Variants in EDAR observed in about 807,000 individuals in gnomAD.
EDAR encodes the protein ectodysplasin A receptor, also known as tumor necrosis factor receptor superfamily member EDAR.
A neutral mutation model predicts 51.3 loss-of-function variants in EDAR; 38 were observed. The ratio of observed to expected loss-of-function variants is 0.74; its 90% confidence interval spans 0.57 to 0.97. The LOEUF (loss-of-function observed/expected upper bound fraction) is 0.97. Among genes scored for constraint, EDAR ranks in the 50% least tolerant of loss-of-function variants. EDAR has a pLI of 0.00. For synonymous variants in EDAR, 227 were observed against 242.1 expected (o/e 0.94, Z 0.58); for missense variants, 528 against 595.0 (o/e 0.89, Z 1.17).
chr2:108,969,915 T>C (rs11123719), intron 1 of EDAR, among the ~76,000 whole-genome samples: 29,550 of 152,136 alleles, frequency 0.19, 4,476 homozygotes, highest in East Asian at 0.84. Flanking sequence ...GAATCCAGAG[T>C]TCAATCTGGG....
chr2:108,936,811 C>G (rs904528819), intron 1 of EDAR, among the ~76,000 whole-genome samples: 2 of 152,184 alleles, frequency 1.3e-5, no homozygotes, highest in Non-Finnish European at 2.9e-5. Flanking sequence ...CTGCTTTAGT[C>G]GGATCTGTTT....
At chr2:108,932,371 A>G (rs1697381885) in intron 1 of EDAR, among the ~76,000 whole-genome samples, 2 of 151,794 alleles carry the variant, frequency 1.3e-5, no homozygotes, top group African/African-American at 2.4e-5. Flanking sequence ...TACTAAAAAT[A>G]CAAAAAAATT....
Position 108,897,052 on chromosome 2 carries a change from A to G in EDAR, c.1202T>C (p.Ile401Thr). 6.2e-7 allele frequency: 1 copy of G among 1,614,162 alleles called. No homozygotes were observed. Among genetic ancestry groups the G allele is most frequent in the Non-Finnish European group, 8.5e-7 (1 of 1,180,022 alleles). The change falls in exon 12 of 12, where the codon ATC (isoleucine) becomes ACC (threonine). Residue 401 changes from isoleucine to threonine, a missense_variant. Coordinates refer to ENST00000258443, the MANE Select transcript of EDAR (RefSeq NM_022336.4). The stretch of plus-strand genomic sequence containing the variant: ...AGGGATGCTGTAGCCTGCCGTGCTG[A>G]TGCGGTCAAAGAGTTGCATGCCGTC... ...MTDGMQLFDR[I>T]STAGYSIPEL...
At chr2:108,918,151 T>C (rs1017292706) in intron 5 of EDAR, among the ~76,000 whole-genome samples, 4 of 152,198 alleles carry the variant, frequency 2.6e-5, no homozygotes, top group Non-Finnish European at 5.9e-5. Context: ...CTCCTTCCAC[T>C]GTCACCAGCT....
At position 108,983,743 on chromosome 2, in the gene EDAR, T is replaced by C. The variant is rs551419098; in HGVS notation, c.-19+5217A>G. Among the ~76,000 whole-genome samples, 3 of 152,302 alleles carry C rather than the reference T, an allele frequency of 2.0e-5. No individual in the cohort carries two copies. The East Asian group carries it at 5.8e-4, about 29-fold the overall frequency. On this transcript the variant is annotated intron_variant, in intron 1 of 11. Coordinates refer to ENST00000258443, the MANE Select transcript of EDAR (RefSeq NM_022336.4). Reference sequence around the variant, plus strand: ...GCGGGACGGGGCAGGGAAGCCACCTTCTCTCCAACTCCAAAGGCCATATGG... The same window carrying C: ...GCGGGACGGGGCAGGGAAGCCACCTCCTCTCCAACTCCAAAGGCCATATGG...
At chr2:108,943,690 C>T (rs546478005) in intron 1 of EDAR, among the ~76,000 whole-genome samples, 3 of 152,298 alleles carry the variant, frequency 2.0e-5, no homozygotes, top group South Asian at 2.1e-4. Flanking sequence ...CAGCAGCCAT[C>T]CTTTCTTGGC....
chr2:108,910,411 G>A, intron 9 of EDAR, 49 bp downstream of exon 9: 1 of 1,490,590 alleles, frequency 6.7e-7, no homozygotes, highest in Non-Finnish European at 9.3e-7. Context: ...TCCCTGCTCA[G>A]GATCCACAGG....
At chr2:108,908,343 G>A (rs1051347064) in intron 9 of EDAR, among the ~76,000 whole-genome samples, 5 of 152,202 alleles carry the variant, frequency 3.3e-5, no homozygotes, top group East Asian at 1.9e-4. Flanking sequence ...TGGATGCTCC[G>A]TGAAGGTTCA....
intron 1 of EDAR, among the ~76,000 whole-genome samples, chr2:108,964,548 A>G (rs558199991): frequency 3.3e-5 from 5 of 152,154 alleles, no homozygotes; most frequent in African/African-American, 1.2e-4. Flanking sequence ...GCCCAACCAA[A>G]CCACAGTCAC....
intron 1 of EDAR, among the ~76,000 whole-genome samples, chr2:108,961,497 G>T (rs1698041683): frequency 6.6e-6 from 1 of 152,232 alleles, no homozygotes. Flanking sequence ...TCTTCAGAGG[G>T]AGGTAGAGCT....
At chr2:108,981,238 G>A (rs967894899) in intron 1 of EDAR, among the ~76,000 whole-genome samples, 4 of 152,200 alleles carry the variant, frequency 2.6e-5, no homozygotes, top group Non-Finnish European at 4.4e-5. Flanking sequence ...CTCTGGGCCT[G>A]TGTCCACCTG....
intron 1 of EDAR, among the ~76,000 whole-genome samples, chr2:108,964,325 T>G (rs894507760): frequency 6.6e-6 from 1 of 152,152 alleles, no homozygotes; most frequent in Admixed American, 6.5e-5. Context: ...CCAGGTCATC[T>G]GGACTCCAGT....
Position 108,895,130 on chromosome 2 carries a change from G to A in EDAR, c.*1777C>T, listed in dbSNP as rs1336247245. ...TTAGCTTGCAGGGTAAACCAAATAGGTTCGAAAAACAGCAGCAAACAGACA... is the reference window on the plus strand; with the variant it reads ...TTAGCTTGCAGGGTAAACCAAATAGATTCGAAAAACAGCAGCAAACAGACA... On this transcript the variant is annotated 3_prime_UTR_variant, in exon 12 of 12. Transcript: ENST00000258443. The A allele has an allele frequency of 1.3e-5, 2 of 152,568 alleles. No homozygotes were observed. Among genetic ancestry groups the A allele is most frequent in the African/African-American group, 2.4e-5 (1 of 41,422 alleles). 9.5% of individuals were successfully genotyped at this position (152,568 alleles called of 1,614,324 possible).
chr2:108,934,517 C>T (rs1378441822), intron 1 of EDAR, among the ~76,000 whole-genome samples: 1 of 152,208 alleles, frequency 6.6e-6, no homozygotes, highest in South Asian at 2.1e-4. Context: ...CTGTCTTAGT[C>T]TGCTTTGTGC....
At position 108,963,710 on chromosome 2, in the gene EDAR, C is replaced by T. The variant is rs150766382; in HGVS notation, c.-19+25250G>A. Among the ~76,000 whole-genome samples the T allele has an allele frequency of 6.2e-3, 938 of 152,318 alleles. 12 individuals carry two copies. Among genetic ancestry groups the T allele is most frequent in the African/African-American group, 0.022 (905 of 41,570 alleles). ...AACCTGAGAGCACTGCAGAATGTTG[C>T]GGCCAATTCTGGGCAATTCCCAGGC... On this transcript the variant is annotated intron_variant, in intron 1 of 11. Coordinates refer to ENST00000258443, the MANE Select transcript of EDAR (RefSeq NM_022336.4).
intron 1 of EDAR, among the ~76,000 whole-genome samples, chr2:108,978,940 A>G (rs1357445732): frequency 1.3e-5 from 2 of 152,248 alleles, no homozygotes; most frequent in Admixed American, 6.5e-5. Context: ...AAAGCTTTCC[A>G]AAAGGAAACC....
chr2:108,927,066 C>T (rs1398437582), intron 4 of EDAR, among the ~76,000 whole-genome samples: 1 of 152,166 alleles, frequency 6.6e-6, no homozygotes, highest in Admixed American at 6.5e-5. Flanking sequence ...TTTTGGTGGG[C>T]GTTGGGACTG....
At chr2:108,940,816 G>C (rs1002012163) in intron 1 of EDAR, among the ~76,000 whole-genome samples, 1 of 152,228 alleles carries the variant, frequency 6.6e-6, no homozygotes, top group African/African-American at 2.4e-5. Flanking sequence ...TTGATGTCCT[G>C]ATTAGTGGCA....
At chr2:108,967,293 G>C (rs1698164586) in intron 1 of EDAR, among the ~76,000 whole-genome samples, 1 of 152,082 alleles carries the variant, frequency 6.6e-6, no homozygotes, top group Admixed American at 6.5e-5. Flanking sequence ...ATATTTCACA[G>C]GGAAAAACAG....
Sources: allele counts gnomAD v4.1 joint callset (sites outside exome capture counted in the v4.1 genomes callset), GRCh38; gene constraint gnomAD v4.1.1; transcripts MANE v1.5; gene names NCBI Gene and HGNC (gene_info 2026-07-23, HGNC 2026-07-21).